SLIT3: variants seen among roughly 807,000 people sequenced by gnomAD.
SLIT3 encodes the protein slit homolog 3 protein.
In SLIT3, 68 loss-of-function variants were observed where a neutral mutation model predicts 184.0. That is an observed-to-expected ratio of 0.37 (90% CI 0.30 to 0.45). The LOEUF (loss-of-function observed/expected upper bound fraction) is 0.45, where lower values mean the gene tolerates loss of function less well. Ranked by LOEUF, SLIT3 falls within the 20% of genes least tolerant of loss-of-function variation. The probability of loss-of-function intolerance (pLI) is 1.00; values close to 1 mark genes in which losing one functional copy is unlikely to be tolerated. For synonymous variants in SLIT3, 831 were observed against 828.6 expected (o/e 1.00, Z -0.05); for missense variants, 1,707 against 2,026.0 (o/e 0.84, Z 3.02).
At chr5:169,119,284 G>T (rs1336550602) in intron 4 of SLIT3, among the ~76,000 whole-genome samples, 1 of 152,204 alleles carries the variant, frequency 6.6e-6, no homozygotes, top group Non-Finnish European at 1.5e-5. Context: ...TTCCCAGCCT[G>T]GACACTTGTG....
At chr5:168,821,041 G>A (rs1581116629) in intron 7 of SLIT3, among the ~76,000 whole-genome samples, 1 of 152,276 alleles carries the variant, frequency 6.6e-6, no homozygotes, top group African/African-American at 2.4e-5. Context: ...AGCCATCTCT[G>A]AAATTAAACT....
chr5:169,270,517 G>A (rs113081152), intron 1 of SLIT3, among the ~76,000 whole-genome samples: 8 of 152,226 alleles, frequency 5.3e-5, no homozygotes, highest in African/African-American at 1.4e-4. Context: ...GAACCAAGCC[G>A]CACTGATCCG....
chr5:168,760,662 A>G (rs1755113801), intron 16 of SLIT3, among the ~76,000 whole-genome samples, 200 bp downstream of exon 16: 2 of 152,076 alleles, frequency 1.3e-5, no homozygotes, highest in Non-Finnish European at 2.9e-5. Flanking sequence ...TATAACACTC[A>G]ACTGAAACCA....
chr5:169,102,440 G>A (rs550616766), intron 4 of SLIT3, among the ~76,000 whole-genome samples: 1 of 152,118 alleles, frequency 6.6e-6, no homozygotes, highest in Non-Finnish European at 1.5e-5. Context: ...AAATGGTATA[G>A]TATTTGCATA....
intron 23 of SLIT3, 124 bp from the exon 24 acceptor site, chr5:168,712,478 A>G: frequency 1.3e-6 from 1 of 773,334 alleles, no homozygotes; most frequent in East Asian, 2.5e-5. Flanking sequence ...TGCTCCTAGC[A>G]GTAGCTGCTG....
intron 4 of SLIT3, among the ~76,000 whole-genome samples, chr5:169,189,547 T>TAAAA (rs1561725826): frequency 8.1e-5 from 5 of 61,744 alleles, no homozygotes; most frequent in African/African-American, 3.3e-4. Flanking sequence ...TATATATATA[T>TAAAA]ATATATATAT....
At chr5:169,120,290 G>T (rs982439235) in intron 4 of SLIT3, 8 of 152,140 alleles carry the variant, frequency 5.3e-5, no homozygotes, top group Non-Finnish European at 8.8e-5. Context: ...CCAGGAACAC[G>T]TGCTTTGTAG....
chr5:168,752,876 G>A, intron 18 of SLIT3, 79 bp downstream of exon 18: 2 of 1,395,558 alleles, frequency 1.4e-6, no homozygotes, highest in Non-Finnish European at 2.0e-6. Context: ...CCTGGCTAGA[G>A]GTAGCAGGGA....
At chr5:168,880,999 A>G (rs1474964394) in intron 5 of SLIT3, among the ~76,000 whole-genome samples, 1 of 152,230 alleles carries the variant, frequency 6.6e-6, no homozygotes, top group Non-Finnish European at 1.5e-5. Flanking sequence ...GTCCTGCCTG[A>G]CAAGTGCCTG....
At position 168,865,771 on chromosome 5, in the gene SLIT3, T is replaced by A. The variant is rs1759276754; in HGVS notation, c.485+17494A>T. Among the ~76,000 whole-genome samples, 3 of 152,196 alleles carry A rather than the reference T, an allele frequency of 2.0e-5. 1 individual carries two copies. Among genetic ancestry groups the A allele is most frequent in the Admixed American group, 1.3e-4 (2 of 15,278 alleles). The stretch of plus-strand genomic sequence containing the variant: ...ACTTATAGTTGACAATTGCTATCAT[T>A]TGGTTTATGTCCTTCAGGCTTTTTT... On this transcript the variant is annotated intron_variant, in intron 5 of 35. Transcript: ENST00000519560.
At position 168,844,589 on chromosome 5, in the gene SLIT3, C is replaced by T. The variant is rs1455261849; in HGVS notation, c.552G>A (p.Glu184=). Residue 184 remains glutamate (E), a synonymous_variant, in exon 6 of 36, where the codon GAG becomes GAA. Coordinates refer to ENST00000519560, the MANE Select transcript of SLIT3 (RefSeq NM_003062.4). ...DGAFRALRDL[E]ILTLNNNNIS... is the part of the protein sequence containing the mutation. ...CGATCGCAAAATCAACTCACAGGAT[C>T]TCCAAATCGCGCAGCGCTCGGAAGG... 6.2e-6 allele frequency: 10 copies of T among 1,614,012 alleles called. No individual in the cohort carries two copies. The Admixed American group carries it at 1.7e-4, about 27-fold the overall frequency.
intron 3 of SLIT3, among the ~76,000 whole-genome samples, chr5:169,222,102 T>C (rs77457857): frequency 0.033 from 5,027 of 152,328 alleles, 100 homozygotes; most frequent in Non-Finnish European, 0.047. Context: ...GGGATGTGTG[T>C]TGAAGTACAC....
intron 4 of SLIT3, among the ~76,000 whole-genome samples, chr5:169,121,436 G>T (rs541677763): frequency 1.3e-4 from 20 of 152,216 alleles, no homozygotes; most frequent in Admixed American, 4.6e-4. Context: ...CTTCCAAAAG[G>T]TTCCCCTGAA....
rs142456875 is a variant in SLIT3 at position 168,669,788 on chromosome 5, T to C, written c.4331A>G (p.Gln1444Arg). 2.0e-4 allele frequency: 315 copies of C among 1,613,276 alleles called. 1 individual carries two copies. In the African/African-American group the frequency reaches 3.6e-3, roughly 18 times the overall value. Residue 1444 changes from glutamine (Q) to arginine (R), a missense_variant, in exon 35 of 36, where the codon CAA becomes CGA. Transcript: ENST00000519560. ...CQPGFSGEHCQQENPCLGQVV... is the reference protein window; with the variant it reads ...CQPGFSGEHCRQENPCLGQVV... ...CACAGGCACAGTAGACCCACCTTGTTGGCAGTGCTCGCCGCTAAAGCCGGG... is the reference window on the plus strand; with the variant it reads ...CACAGGCACAGTAGACCCACCTTGTCGGCAGTGCTCGCCGCTAAAGCCGGG...
chr5:169,272,554 GC>G (rs1276174549), intron 1 of SLIT3, among the ~76,000 whole-genome samples: 2 of 152,230 alleles, frequency 1.3e-5, no homozygotes, highest in East Asian at 3.8e-4. Context: ...ACAGTGCCTT[GC>G]CCAGGCTACT....
chr5:169,024,577 C>G (rs1756741445), intron 4 of SLIT3: 1 of 152,180 alleles, frequency 6.6e-6, no homozygotes, highest in Non-Finnish European at 1.5e-5. Flanking sequence ...GTTTCCAGAG[C>G]AACAGCACAG....
At chr5:169,158,241 C>T (rs917371746) in intron 4 of SLIT3, among the ~76,000 whole-genome samples, 2 of 152,158 alleles carry the variant, frequency 1.3e-5, no homozygotes, top group African/African-American at 2.4e-5. Flanking sequence ...ACTTTACTGA[C>T]TTACCTACAG....
chr5:168,794,294 G>A (rs1342210824), intron 10 of SLIT3, among the ~76,000 whole-genome samples: 1 of 152,128 alleles, frequency 6.6e-6, no homozygotes, highest in Non-Finnish European at 1.5e-5. Context: ...ACAGCAACTC[G>A]GTTACTGGGC....
At chr5:168,712,963 T>C (rs1364124062) in intron 23 of SLIT3, among the ~76,000 whole-genome samples, 2 of 151,992 alleles carry the variant, frequency 1.3e-5, no homozygotes, top group African/African-American at 4.8e-5. Context: ...CTAATCAATA[T>C]TAATATTTGT....
Sources: gnomAD v4.1 joint callset for allele counts (sites outside exome capture counted in the v4.1 genomes callset) on GRCh38, gnomAD v4.1.1 for gene constraint, MANE v1.5 for transcripts, NCBI Gene and HGNC (gene_info 2026-07-23, HGNC 2026-07-21) for gene names.